SYNPR: variants seen among roughly 807,000 people sequenced by gnomAD.
The protein encoded by SYNPR is synaptoporin.
SYNPR carries 23 observed loss-of-function variants against 32.9 expected under a neutral mutation model. That is an observed-to-expected ratio of 0.70 (90% CI 0.50 to 0.99). The LOEUF is 0.99. SYNPR is among the 50% of genes least tolerant of loss of function. The pLI is 0.00. For missense variants in SYNPR, 318 were observed against 349.3 expected, an observed-to-expected ratio of 0.91 and a Z score of 0.71; for synonymous variants, 146 against 135.9, an observed-to-expected ratio of 1.07 and a Z score of -0.52.
At chr3:63,269,301 C>G (rs58450224) in intron 3 of SYNPR, among the ~76,000 whole-genome samples, 53,935 of 151,888 alleles carry the variant, frequency 0.36, 9,962 homozygotes, top group Admixed American at 0.4. Context: ...CCAACCTGGC[C>G]AACAGGGTGA....
intron 2 of SYNPR, among the ~76,000 whole-genome samples, chr3:63,472,323 AC>A (rs1700817821): frequency 6.6e-6 from 1 of 152,160 alleles, no homozygotes; most frequent in Admixed American, 6.5e-5. Context: ...AGATCATGTG[AC>A]CTTGGACTTG....
intron 2 of SYNPR, among the ~76,000 whole-genome samples, chr3:63,470,186 C>T (rs1406771012): frequency 1.3e-5 from 2 of 152,090 alleles, no homozygotes; most frequent in Non-Finnish European, 2.9e-5. Context: ...AAAGTATATA[C>T]TGTATGTATA....
At chr3:63,585,455 C>A (rs200211930) in intron 4 of SYNPR, among the ~76,000 whole-genome samples, 1 of 138,148 alleles carries the variant, frequency 7.2e-6, no homozygotes. Flanking sequence ...CCATGCCCCC[C>A]CCCTCCGCCC....
Position 63,573,154 on chromosome 3 carries a change from C to A in SYNPR, c.408+16413C>A, listed in dbSNP as rs1702918220. Among the ~76,000 whole-genome samples the A allele has an allele frequency of 3.3e-5, 5 of 152,216 alleles. No individual in the cohort carries two copies. In the South Asian group the frequency reaches 8.3e-4, roughly 25 times the overall value. ...ACATGAATGAGTCTCTCTGAAGTCACTGAGAATATTTATCTTTGTAAAAGG... is the reference window on the plus strand; with the variant it reads ...ACATGAATGAGTCTCTCTGAAGTCAATGAGAATATTTATCTTTGTAAAAGG... On this transcript the variant is annotated intron_variant, in intron 4 of 5. Transcript: ENST00000478300.
chr3:63,528,528 C>T (rs145486964), intron 3 of SYNPR, among the ~76,000 whole-genome samples: 34 of 152,172 alleles, frequency 2.2e-4, no homozygotes, highest in African/African-American at 7.9e-4. Flanking sequence ...GGGCGGTTAC[C>T]ATTGTTGCCT....
At chr3:63,316,883 AC>A (rs1321078159) in intron 2 of SYNPR, among the ~76,000 whole-genome samples, 1 of 151,564 alleles carries the variant, frequency 6.6e-6, no homozygotes, top group African/African-American at 2.4e-5. Context: ...TATGAACTTC[AC>A]TCTTAGCACT....
intron 4 of SYNPR, among the ~76,000 whole-genome samples, chr3:63,606,938 A>G (rs1700131780): frequency 6.6e-6 from 1 of 152,186 alleles, no homozygotes; most frequent in African/African-American, 2.4e-5. Flanking sequence ...CAAAACATAT[A>G]AACTTGGAAT....
chr3:63,561,252 AACCG>A (rs1442578105), intron 4 of SYNPR: 1 of 152,188 alleles, frequency 6.6e-6, no homozygotes, highest in African/African-American at 2.4e-5. Flanking sequence ...CAATAACATC[AACCG>A]ATATTGATTG....
intron 3 of SYNPR, among the ~76,000 whole-genome samples, chr3:63,523,841 T>C (rs1426514316): frequency 6.6e-6 from 1 of 152,206 alleles, no homozygotes; most frequent in East Asian, 1.9e-4. Flanking sequence ...TTTATTTCCC[T>C]TTTAAAGTGA....
At chr3:63,203,062 GTAT>G in the SYNPR span, among the ~76,000 whole-genome samples, 1 of 30,302 alleles carries the variant, frequency 3.3e-5, no homozygotes. Context: ...ATATATATAT[GTAT>G]GTGTATATAT....
intron 2 of SYNPR, among the ~76,000 whole-genome samples, chr3:63,420,862 A>G (rs1699786877): frequency 1.3e-5 from 2 of 152,294 alleles, no homozygotes; most frequent in South Asian, 4.1e-4. Flanking sequence ...GGCAGAAGAT[A>G]CTAAGAAGCA....
chr3:63,474,769 C>A (rs1438079399), intron 2 of SYNPR, among the ~76,000 whole-genome samples: 1 of 152,158 alleles, frequency 6.6e-6, no homozygotes, highest in Non-Finnish European at 1.5e-5. Context: ...TGGTTTCAAT[C>A]TCCCAACCCC....
At chr3:63,589,344 G>T (rs1703264889) in intron 4 of SYNPR, among the ~76,000 whole-genome samples, 1 of 152,022 alleles carries the variant, frequency 6.6e-6, no homozygotes, top group Non-Finnish European at 1.5e-5. Context: ...GCATTCTTTT[G>T]TGATTGATTA....
intron 2 of SYNPR, among the ~76,000 whole-genome samples, chr3:63,455,734 T>A (rs538469520): frequency 5.5e-5 from 8 of 146,628 alleles, no homozygotes; most frequent in African/African-American, 2.1e-4. Flanking sequence ...CTGATTTTGC[T>A]TCTGTACATA....
intron 2 of SYNPR, among the ~76,000 whole-genome samples, chr3:63,408,324 G>GAA (rs1170933397): frequency 1.8e-5 from 2 of 109,714 alleles, no homozygotes; most frequent in Non-Finnish European, 3.7e-5. Context: ...AGGAAGGAAA[G>GAA]AAAGAAAGAA....
intron 4 of SYNPR, among the ~76,000 whole-genome samples, chr3:63,563,873 G>C (rs1287260605): frequency 6.6e-6 from 1 of 150,882 alleles, no homozygotes; most frequent in Non-Finnish European, 1.5e-5. Context: ...CTGTGGACTT[G>C]TCATAAAGTA....
chr3:63,456,924 C>T (rs1005166428), intron 2 of SYNPR, among the ~76,000 whole-genome samples: 1 of 152,080 alleles, frequency 6.6e-6, no homozygotes, highest in African/African-American at 2.4e-5. Flanking sequence ...AATACACCAA[C>T]AAAAACTGCC....
chr3:63,533,270 C>G (rs143641248), intron 3 of SYNPR, among the ~76,000 whole-genome samples: 51 of 152,186 alleles, frequency 3.4e-4, no homozygotes, highest in African/African-American at 1.2e-3. Flanking sequence ...TATCAAATGT[C>G]ACTATCTCCT....
chr3:63,479,657 C>G (rs932008426), intron 2 of SYNPR, among the ~76,000 whole-genome samples: 2 of 152,170 alleles, frequency 1.3e-5, no homozygotes, highest in African/African-American at 4.8e-5. Flanking sequence ...TCTGAACTTT[C>G]TGGAAAGACC....
Sources: gnomAD v4.1 joint callset for allele counts (sites outside exome capture counted in the v4.1 genomes callset) on GRCh38, gnomAD v4.1.1 for gene constraint, MANE v1.5 for transcripts, NCBI Gene and HGNC (gene_info 2026-07-23, HGNC 2026-07-21) for gene names.